The following PDE1C variants were observed in gnomAD, a reference collection of about 807,000 sequenced individuals.
PDE1C encodes phosphodiesterase 1C.
A neutral mutation model predicts 93.1 loss-of-function variants in PDE1C; 62 were observed. That is an observed-to-expected ratio of 0.67 (90% CI 0.54 to 0.82). The LOEUF (loss-of-function observed/expected upper bound fraction) is 0.82. Among genes scored for constraint, PDE1C ranks in the 40% least tolerant of loss-of-function variants. The pLI is 0.00. For missense variants in PDE1C, 742 were observed against 884.6 expected, an observed-to-expected ratio of 0.84 and a Z score of 2.04; for synonymous variants, 325 against 310.1, an observed-to-expected ratio of 1.05 and a Z score of -0.50.
At chr7:32,390,526 T>G (rs1784730281) in intron 1 of PDE1C, among the ~76,000 whole-genome samples, 1 of 140,486 alleles carries the variant, frequency 7.1e-6, no homozygotes, top group East Asian at 2.0e-4. Context: ...AGAATCCTGC[T>G]CTAGAGTGAT....
rs1379679405 is a variant in PDE1C, at chr7:32,043,924, CA to C, written c.128+7629del. ...CCATTTGAAAGTATGAGTCACAATC[CA>C]AACTTATTTACCCAGAGTTCCACCT... On this transcript the variant is annotated intron_variant, in intron 2 of 17. Coordinates refer to ENST00000396191, the MANE Select transcript of PDE1C (RefSeq NM_001191057.4). Among the ~76,000 whole-genome samples, 4 of 152,108 alleles carry C rather than the reference CA, an allele frequency of 2.6e-5. No homozygotes were observed. The East Asian group carries it at 7.7e-4, about 29-fold the overall frequency.
intron 11 of PDE1C, among the ~76,000 whole-genome samples, chr7:31,829,126 T>C (rs568532070): frequency 6.6e-6 from 1 of 152,260 alleles, no homozygotes; most frequent in East Asian, 1.9e-4. Context: ...CTTCTTATAG[T>C]AGTGAAGCTG....
intron 2 of PDE1C, among the ~76,000 whole-genome samples, chr7:31,936,789 G>C (rs1034761691): frequency 6.6e-6 from 1 of 152,098 alleles, no homozygotes; most frequent in African/African-American, 2.4e-5. Context: ...AAAAGGATCT[G>C]AGGCATGTCT....
the PDE1C span, chr7:31,642,893 T>G: frequency 6.2e-7 from 1 of 1,614,002 alleles, no homozygotes; most frequent in Non-Finnish European, 8.5e-7. Flanking sequence ...GAGTTTCTGC[T>G]TGAGGCCATG....
intron 1 of PDE1C, among the ~76,000 whole-genome samples, chr7:32,060,491 C>T (rs368478126): frequency 7.9e-5 from 12 of 152,290 alleles, no homozygotes; most frequent in African/African-American, 2.6e-4. Flanking sequence ...TAAACACACG[C>T]TCTATAAATC....
chr7:31,983,985 T>A lies in PDE1C; in HGVS notation c.128+67569A>T, dbSNP rs182495587. Reference sequence around the variant, plus strand: ...GCTGCAGGCTGCCCAAATGAAGGAATGTGGGAGGAGAAAGGGAGCAAAAGG... The same window carrying A: ...GCTGCAGGCTGCCCAAATGAAGGAAAGTGGGAGGAGAAAGGGAGCAAAAGG... On this transcript the variant is annotated intron_variant, in intron 2 of 17. Transcript: ENST00000396191. 5.3e-4 allele frequency among the ~76,000 whole-genome samples: 81 copies of A among 151,440 alleles called. 1 individual carries two copies. Among genetic ancestry groups the A allele is most frequent in the African/African-American group, 1.9e-3 (78 of 41,190 alleles).
intron 3 of PDE1C, among the ~76,000 whole-genome samples, chr7:32,134,512 A>C (rs1370529755): frequency 6.6e-6 from 1 of 152,166 alleles, no homozygotes; most frequent in Admixed American, 6.5e-5. Context: ...ATAGCCAATG[A>C]GGCATAAAAA....
intron 1 of PDE1C, among the ~76,000 whole-genome samples, chr7:32,334,586 C>A (rs1783578501): frequency 7.3e-6 from 1 of 137,176 alleles, no homozygotes; most frequent in East Asian, 2.6e-4. Flanking sequence ...TTTGCCCGCC[C>A]TCCCACCCTC....
chr7:31,892,170 C>T (rs1041131118), intron 2 of PDE1C, among the ~76,000 whole-genome samples: 2 of 152,132 alleles, frequency 1.3e-5, no homozygotes, highest in South Asian at 2.1e-4. Flanking sequence ...TAGTGTCCTC[C>T]AGATCCTTCG....
intron 2 of PDE1C, among the ~76,000 whole-genome samples, chr7:31,890,646 G>A (rs187931407): frequency 1.1e-3 from 172 of 152,176 alleles, no homozygotes; most frequent in Middle Eastern, 6.8e-3. Context: ...ACAAATATAA[G>A]TTTTGGTAAG....
Position 32,082,389 on chromosome 7 carries a change from C to T in PDE1C, c.308+87396G>A, listed in dbSNP as rs577105208. The stretch of plus-strand genomic sequence containing the variant: ...TCGAACTGGGTGGAGCCCACCACAG[C>T]TCAAGGAGGCCTGCCTGCCTCTGTA... On this transcript the variant is annotated intron_variant, in intron 3 of 18. Coordinates refer to the PDE1C transcript ENST00000396193. Among the ~76,000 whole-genome samples, 723 of 152,364 alleles carry T rather than the reference C, an allele frequency of 4.7e-3. 3 individuals carry two copies. The highest frequency in any genetic ancestry group is 7.8e-3 in the Non-Finnish European group (533 of 68,030).
At chr7:31,624,808 A>T in the PDE1C span, among the ~76,000 whole-genome samples, 95 of 152,164 alleles carry the variant, frequency 6.2e-4, no homozygotes, top group Non-Finnish European at 1.3e-3. Flanking sequence ...TGCACAGCAA[A>T]AGAAACTACC....
chr7:32,019,382 A>G (rs2128608371), intron 2 of PDE1C, among the ~76,000 whole-genome samples: 2 of 152,182 alleles, frequency 1.3e-5, no homozygotes, highest in East Asian at 3.9e-4. Flanking sequence ...AAACACATAC[A>G]ATATGGTTGG....
chr7:32,082,223 C>T (rs1418489134), intron 3 of PDE1C, among the ~76,000 whole-genome samples: 6 of 152,268 alleles, frequency 3.9e-5, no homozygotes, highest in African/African-American at 1.4e-4. Flanking sequence ...CCGCACATGG[C>T]TCTGAGGGTC....
At chr7:32,220,023 C>T (rs1264489591) in intron 1 of PDE1C, among the ~76,000 whole-genome samples, 1 of 152,156 alleles carries the variant, frequency 6.6e-6, no homozygotes, top group Non-Finnish European at 1.5e-5. Flanking sequence ...CTCTTATCTG[C>T]CACCATGTGA....
At chr7:31,922,964 T>C (rs958970519) in intron 2 of PDE1C, among the ~76,000 whole-genome samples, 5 of 152,178 alleles carry the variant, frequency 3.3e-5, no homozygotes, top group African/African-American at 4.8e-5. Context: ...CGTCTCTCTA[T>C]ATAAAGATGT....
In PDE1C at chr7:31,977,305, G is replaced by A. The variant is rs529714590; in HGVS notation, c.128+74249C>T. Among the ~76,000 whole-genome samples, 14 of 152,242 alleles carry A rather than the reference G, an allele frequency of 9.2e-5. No individual in the cohort carries two copies. The South Asian group carries it at 2.9e-3, about 32-fold the overall frequency. On this transcript the variant is annotated intron_variant, in intron 2 of 17. Transcript: ENST00000396191. ...ATGCCCTCCAACATATGATGATGCA[G>A]CAAGAAGGTCCTCGCCAGATGCCAG...
intron 2 of PDE1C, among the ~76,000 whole-genome samples, chr7:32,004,888 A>G (rs1401282979): frequency 6.6e-6 from 1 of 152,232 alleles, no homozygotes; most frequent in Non-Finnish European, 1.5e-5. Context: ...ACATATTTGA[A>G]GAGCCACTTG....
intron 9 of PDE1C, among the ~76,000 whole-genome samples, chr7:31,840,195 C>G (rs986061084): frequency 6.6e-6 from 1 of 152,090 alleles, no homozygotes; most frequent in African/African-American, 2.4e-5. Flanking sequence ...GTTATCTCAT[C>G]TTGGTTTTAA....
Sources: allele counts gnomAD v4.1 joint callset (sites outside exome capture counted in the v4.1 genomes callset), GRCh38; gene constraint gnomAD v4.1.1; transcripts MANE v1.5; gene names NCBI Gene and HGNC (gene_info 2026-07-23, HGNC 2026-07-21).